Variants in SH3RF3 observed in about 807,000 individuals in gnomAD.
The protein encoded by SH3RF3 is E3 ubiquitin-protein ligase SH3RF3.
SH3RF3 carries 29 observed loss-of-function variants against 66.3 expected under a neutral mutation model. That is an observed-to-expected ratio of 0.44 (90% CI 0.33 to 0.60). The LOEUF (loss-of-function observed/expected upper bound fraction) is 0.60, where lower values mean the gene tolerates loss of function less well. SH3RF3 is among the 20% of genes least tolerant of loss of function. SH3RF3 has a pLI of 0.04. For missense variants in SH3RF3, 1,194 were observed against 1,190.9 expected, an observed-to-expected ratio of 1.00 and a Z score of -0.04; for synonymous variants, 583 against 532.0, an observed-to-expected ratio of 1.10 and a Z score of -1.32.
At chr2:109,255,456 G>C (rs1028074634) in intron 1 of SH3RF3, among the ~76,000 whole-genome samples, 8 of 152,222 alleles carry the variant, frequency 5.3e-5, no homozygotes, top group Non-Finnish European at 1.2e-4. Flanking sequence ...CACATTCAGG[G>C]TTGGACTGGG....
intron 3 of SH3RF3, among the ~76,000 whole-genome samples, chr2:109,372,008 C>G (rs1214486756): frequency 6.6e-6 from 1 of 152,166 alleles, no homozygotes; most frequent in African/African-American, 2.4e-5. Flanking sequence ...TTCTCCAACT[C>G]CCCCAAGTGC....
intron 1 of SH3RF3, among the ~76,000 whole-genome samples, chr2:109,261,223 G>A (rs765267899): frequency 2.6e-5 from 4 of 152,160 alleles, no homozygotes; most frequent in African/African-American, 9.6e-5. Flanking sequence ...GGTGTAAAGC[G>A]AGGGCCCTGG....
intron 4 of SH3RF3, among the ~76,000 whole-genome samples, chr2:109,417,183 A>T (rs1676748593): frequency 6.6e-6 from 1 of 152,188 alleles, no homozygotes; most frequent in Non-Finnish European, 1.5e-5. Flanking sequence ...CTCTGCGCAG[A>T]TGCCTGGGGC....
At chr2:109,360,397 G>T in intron 2 of SH3RF3, among the ~76,000 whole-genome samples, 1 of 152,210 alleles carries the variant, frequency 6.6e-6, no homozygotes, top group South Asian at 2.1e-4. Context: ...CTTTTTGTAG[G>T]CTCGATGTAC....
At chr2:109,133,420 T>G (rs1676742378) in intron 1 of SH3RF3, among the ~76,000 whole-genome samples, 1 of 152,234 alleles carries the variant, frequency 6.6e-6, no homozygotes, top group Non-Finnish European at 1.5e-5. Flanking sequence ...TTGTTAAATA[T>G]TTTATTTTAT....
At chr2:109,384,511 T>C (rs72943383) in intron 3 of SH3RF3, among the ~76,000 whole-genome samples, 10,740 of 151,192 alleles carry the variant, frequency 0.071, 960 homozygotes, top group African/African-American at 0.21. Flanking sequence ...GGGGTTGGGG[T>C]CAGAGGGGCA....
intron 1 of SH3RF3, among the ~76,000 whole-genome samples, chr2:109,314,109 C>T (rs535007067): frequency 6.0e-4 from 92 of 152,094 alleles, no homozygotes; most frequent in Non-Finnish European, 7.5e-4. Flanking sequence ...GACACAGTAG[C>T]GGAAAGCAGC....
intron 3 of SH3RF3, among the ~76,000 whole-genome samples, chr2:109,387,190 A>G (rs995003697): frequency 6.6e-6 from 1 of 152,208 alleles, no homozygotes; most frequent in Non-Finnish European, 1.5e-5. Flanking sequence ...ATTGCGCTGT[A>G]TCAGTATTTC....
intron 1 of SH3RF3, among the ~76,000 whole-genome samples, chr2:109,256,217 G>T (rs1680217523): frequency 6.6e-6 from 1 of 152,230 alleles, no homozygotes; most frequent in African/African-American, 2.4e-5. Context: ...AGACAAGGAA[G>T]ACCCCACAGT....
In SH3RF3 at chr2:109,503,443, C is replaced by T. The variant is rs982569055; in HGVS notation, c.*1772C>T. 2 of 152,010 alleles carry T rather than the reference C, an allele frequency of 1.3e-5. No homozygotes were observed. Among genetic ancestry groups the T allele is most frequent in the Admixed American group, 1.3e-4 (2 of 15,264 alleles). The allele number at this position is 152,010 out of a possible 1,614,324, so 9.4% of individuals were successfully genotyped here. On this transcript the variant is annotated 3_prime_UTR_variant, in exon 10 of 10. Transcript: ENST00000309415. ...CCACACGGCGGGGGTCATGCCTTTC[C>T]CTCCCCCAAGATGATAATAGATTTA... is the stretch of plus-strand genomic sequence containing the variant.
chr2:109,411,236 G>T (rs1004332783), intron 4 of SH3RF3, among the ~76,000 whole-genome samples: 11 of 152,210 alleles, frequency 7.2e-5, no homozygotes, highest in Admixed American at 5.9e-4. Context: ...CAGGCAGTGC[G>T]CAGCTCAGGC....
intron 1 of SH3RF3, among the ~76,000 whole-genome samples, chr2:109,281,046 C>T (rs1023891985): frequency 2.0e-5 from 3 of 152,184 alleles, no homozygotes; most frequent in Non-Finnish European, 2.9e-5. Flanking sequence ...TCCCCAGAGC[C>T]GACCTTGTAT....
chr2:109,402,254 G>A (rs1477071055), intron 4 of SH3RF3, among the ~76,000 whole-genome samples: 1 of 152,238 alleles, frequency 6.6e-6, no homozygotes, highest in Non-Finnish European at 1.5e-5. Flanking sequence ...CTGGCCTGAG[G>A]ACTGGCCCAT....
intron 1 of SH3RF3, among the ~76,000 whole-genome samples, chr2:109,303,526 C>A (rs756631751): frequency 1.3e-5 from 2 of 152,192 alleles, no homozygotes; most frequent in Non-Finnish European, 2.9e-5. Context: ...GGTGACCCTG[C>A]AATGGTCTGT....
At chr2:109,360,804 T>G (rs1683037573) in intron 2 of SH3RF3, among the ~76,000 whole-genome samples, 1 of 152,242 alleles carries the variant, frequency 6.6e-6, no homozygotes, top group Non-Finnish European at 1.5e-5. Flanking sequence ...CTGTACACTT[T>G]TAATTTCCTT....
Position 109,179,003 on chromosome 2 carries a change from ATGTG to A in SH3RF3, c.573+48920_573+48923del, listed in dbSNP as rs56236635. Among the ~76,000 whole-genome samples, 506 of 142,174 alleles carry A rather than the reference ATGTG, an allele frequency of 3.6e-3. 3 individuals are homozygous for A. The highest frequency in any genetic ancestry group is 5.5e-3 in the Non-Finnish European group (353 of 64,100). The allele number at this position is 142,174 out of a possible 152,430, so 93.3% of individuals were successfully genotyped here. Reference sequence around the variant, plus strand: ...ACTTTTTTTCTTATAAAGTATAATAATGTGTGTGTGTGTGTGTGTGTGTGTGTGT... The same window carrying A: ...ACTTTTTTTCTTATAAAGTATAATAATGTGTGTGTGTGTGTGTGTGTGTGT... On this transcript the variant is annotated intron_variant, in intron 1 of 9. Transcript: ENST00000309415.
chr2:109,275,958 G>A lies in SH3RF3; in HGVS notation c.574-71716G>A, dbSNP rs534038293. Among the ~76,000 whole-genome samples, 8 of 152,258 alleles carry A rather than the reference G, an allele frequency of 5.3e-5. No homozygotes were observed. In the South Asian group the frequency reaches 6.2e-4, roughly 12 times the overall value. Reference sequence around the variant, plus strand: ...ACCATGGAATGGATTTATAGCCCACGTCATGTGCAGCTGGGTGAGGGGAGA... The same window carrying A: ...ACCATGGAATGGATTTATAGCCCACATCATGTGCAGCTGGGTGAGGGGAGA... On this transcript the variant is annotated intron_variant, in intron 1 of 9. Transcript: ENST00000309415.
At chr2:109,408,442 T>TA (rs1412599207) in intron 4 of SH3RF3, among the ~76,000 whole-genome samples, 1 of 152,180 alleles carries the variant, frequency 6.6e-6, no homozygotes, top group Non-Finnish European at 1.5e-5. Flanking sequence ...CGCTCCAGGC[T>TA]AAACCACCTA....
chr2:109,490,826 T>G lies in SH3RF3; in HGVS notation c.2370T>G (p.Pro790=). The G allele has an allele frequency of 6.5e-7, 1 of 1,536,906 alleles. No homozygotes were observed. Among genetic ancestry groups the G allele is most frequent in the African/African-American group, 1.4e-5 (1 of 73,154 alleles). ...TGCAGGGTGCCATGGGGATGGAGCC[T>G]CTGCACAGGAAGGCAGGCTCCTTGG... ...SEMQGAMGME[P]LHRKAGSLDL... Residue 790 remains proline (P), a synonymous_variant, in exon 9 of 10, where the codon CCT becomes CCG. Coordinates refer to ENST00000309415, the MANE Select transcript of SH3RF3 (RefSeq NM_001099289.3).
Sources: allele counts gnomAD v4.1 joint callset (sites outside exome capture counted in the v4.1 genomes callset), GRCh38; gene constraint gnomAD v4.1.1; transcripts MANE v1.5; gene names NCBI Gene and HGNC (gene_info 2026-07-23, HGNC 2026-07-21).